Variants in CDH23 observed in about 807,000 individuals in gnomAD.
CDH23 encodes the protein cadherin related 23, also known as cadherin-23.
CDH23 carries 189 observed loss-of-function variants against 317.1 expected under a neutral mutation model. That is an observed-to-expected ratio of 0.60 (90% CI 0.53 to 0.67). The LOEUF (loss-of-function observed/expected upper bound fraction) is 0.67. CDH23 is among the 30% of genes least tolerant of loss of function. CDH23 has a pLI of 0.00. For synonymous variants in CDH23, 1,839 were observed against 1,876.8 expected (o/e 0.98, Z 0.52); for missense variants, 4,401 against 4,592.4 (o/e 0.96, Z 1.20).
rs2132965700 is a variant in CDH23, at chr10:71,798,460, G to A, written c.6936G>A (p.Gly2312=). The change falls in exon 50 of 70, where the codon GGG becomes GGA. Residue 2312 remains glycine (G), a synonymous_variant. Coordinates refer to ENST00000224721, the MANE Select transcript of CDH23 (RefSeq NM_022124.6). ...MERILEGATP[G]TTLIAVAAVD... ...GGATCCTGGAGGGGGCCACCCCTGG[G>A]ACCACACTCATTGCTGTGGCAGCCG... The A allele has an allele frequency of 1.9e-6, 3 of 1,613,954 alleles. No homozygotes were observed. Among genetic ancestry groups the A allele is most frequent in the Non-Finnish European group, 2.5e-6 (3 of 1,179,840 alleles).
chr10:71,617,488 AC>A, intron 11 of CDH23, 95 bp downstream of exon 11: 2 of 1,531,694 alleles, frequency 1.3e-6, no homozygotes, highest in Non-Finnish European at 1.8e-6. Context: ...TAAAATAGAA[AC>A]AAACATTGCG....
At chr10:71,613,036 A>G (rs1209042397) in intron 9 of CDH23, among the ~76,000 whole-genome samples, 1 of 152,062 alleles carries the variant, frequency 6.6e-6, no homozygotes, top group Non-Finnish European at 1.5e-5. Flanking sequence ...TTTAGTAGAG[A>G]TGGGGTTTTG....
In CDH23 at chr10:71,426,872, G is replaced by A. The variant is rs563960194; in HGVS notation, c.-5-12955G>A. On this transcript the variant is annotated intron_variant, in intron 1 of 69. Transcript: ENST00000224721. ...CTCACAAAGATACCTTTAGCTGGGC[G>A]CAGTGGCTCACACCTGTAATCCTAG... 3.9e-5 allele frequency among the ~76,000 whole-genome samples: 6 copies of A among 152,168 alleles called. No homozygotes were observed. The South Asian group carries it at 6.2e-4, about 16-fold the overall frequency.
intron 3 of CDH23, among the ~76,000 whole-genome samples, chr10:71,502,785 G>A (rs1354955908): frequency 6.6e-6 from 1 of 152,198 alleles, no homozygotes; most frequent in African/African-American, 2.4e-5. Flanking sequence ...GCTTTAAGGA[G>A]ATGCTGCTGC....
At chr10:71,523,355 C>G (rs1395906212) in intron 6 of CDH23, among the ~76,000 whole-genome samples, 2 of 152,140 alleles carry the variant, frequency 1.3e-5, no homozygotes, top group African/African-American at 2.4e-5. Context: ...TCTTCTAAAG[C>G]ATTGTCTTTC....
intron 2 of CDH23, among the ~76,000 whole-genome samples, chr10:71,443,797 A>G (rs1466120871): frequency 6.6e-6 from 1 of 152,222 alleles, no homozygotes; most frequent in South Asian, 2.1e-4. Flanking sequence ...CTGAGCACAC[A>G]GCTGCTGCGC....
chr10:71,795,105 A>G lies in CDH23; in HGVS notation c.6712+1465A>G, dbSNP rs577866335. On this transcript the variant is annotated intron_variant, in intron 48 of 69. Transcript: ENST00000224721. ...TTTCCATAAATGTAAAATACATACA[A>G]AATAATACATGATTTTCAGAAATAC... is the stretch of plus-strand genomic sequence containing the variant. 5.9e-5 allele frequency among the ~76,000 whole-genome samples: 9 copies of G among 152,352 alleles called. No homozygotes were observed. The East Asian group carries it at 1.7e-3, about 29-fold the overall frequency.
At chr10:71,538,212 C>G (rs1212791300) in intron 6 of CDH23, among the ~76,000 whole-genome samples, 1 of 152,216 alleles carries the variant, frequency 6.6e-6, no homozygotes, top group Non-Finnish European at 1.5e-5. Context: ...GAGTTCATTT[C>G]CGATACACTA....
chr10:71,440,847 C>T lies in CDH23; in HGVS notation c.67+949C>T, dbSNP rs568637997. ...TGGGCATGGTGTACCTGGTGACACA[C>T]GCAAACACATTCCTGTGGGGGGCCA... On this transcript the variant is annotated intron_variant, in intron 2 of 69. Transcript: ENST00000224721. Among the ~76,000 whole-genome samples the T allele has an allele frequency of 6.7e-4, 102 of 152,300 alleles. No homozygotes were observed. The Middle Eastern group carries it at 0.014, about 20-fold the overall frequency.
At chr10:71,664,889 C>T (rs576853491) in intron 14 of CDH23, among the ~76,000 whole-genome samples, 1 of 147,714 alleles carries the variant, frequency 6.8e-6, no homozygotes, top group Non-Finnish European at 1.5e-5. Context: ...TCTCCCTCTC[C>T]CCTCCCCATC....
intron 15 of CDH23, among the ~76,000 whole-genome samples, chr10:71,676,441 A>T (rs1349763166): frequency 6.6e-6 from 1 of 151,510 alleles, no homozygotes; most frequent in African/African-American, 2.4e-5. Flanking sequence ...AGCCTGGCCA[A>T]CATGGTGAAA....
chr10:71,461,135 G>A (rs1394045283), intron 3 of CDH23, among the ~76,000 whole-genome samples: 1 of 152,222 alleles, frequency 6.6e-6, no homozygotes, highest in Non-Finnish European at 1.5e-5. Flanking sequence ...ATCAGCCACT[G>A]CTCCCTCCAC....
At chr10:71,701,314 A>T (rs569635105) in intron 22 of CDH23, among the ~76,000 whole-genome samples, 2 of 152,266 alleles carry the variant, frequency 1.3e-5, no homozygotes, top group African/African-American at 4.8e-5. Context: ...GGCGAAGATG[A>T]GGAGCCCTCA....
At chr10:71,648,705 G>T (rs766200) in intron 14 of CDH23, among the ~76,000 whole-genome samples, 85,117 of 151,974 alleles carry the variant, frequency 0.56, 24,711 homozygotes, top group East Asian at 0.85. Context: ...GAGCCCCTCA[G>T]GCTAGGTTTT....
intron 38 of CDH23, 23 bp downstream of exon 38, chr10:71,741,944 G>A (rs768908857): frequency 3.2e-6 from 5 of 1,543,854 alleles, no homozygotes; most frequent in East Asian, 2.4e-5. Flanking sequence ...GGTGGCCACA[G>A]GGAGGAGCGG....
intron 24 of CDH23, 99 bp downstream of exon 24, chr10:71,702,793 G>T (rs1238477084): frequency 7.2e-7 from 1 of 1,382,034 alleles, no homozygotes; most frequent in Non-Finnish European, 1.0e-6. Flanking sequence ...TGGGGCAGGG[G>T]AGGAGCTGGG....
chr10:71,724,176 C>A, intron 29 of CDH23, 71 bp downstream of exon 29: 1 of 1,510,218 alleles, frequency 6.6e-7, no homozygotes, highest in Non-Finnish European at 9.0e-7. Context: ...TCTAGGCTGC[C>A]AAAGGTCTGG....
At chr10:71,417,351 A>T (rs1185902426) in intron 1 of CDH23, among the ~76,000 whole-genome samples, 3 of 152,130 alleles carry the variant, frequency 2.0e-5, no homozygotes, top group Non-Finnish European at 4.4e-5. Flanking sequence ...TGCTGGGATT[A>T]CAGATCTGAG....
Position 71,609,995 on chromosome 10 carries a change from T to TGTGTGAGAGAGA in CDH23, c.833-5508_833-5507insTGTGAGAGAGAG, listed in dbSNP as rs3222215. ...GTGTGTGTGTGTGTGTGTGTGTGTG[T>TGTGTGAGAGAGA]GAGAGAGACAGAGAGACGAGAGAGA... On this transcript the variant is annotated intron_variant, in intron 9 of 69. Transcript: ENST00000224721. Among the ~76,000 whole-genome samples the TGTGTGAGAGAGA allele has an allele frequency of 2.1e-4, 30 of 140,822 alleles. 1 individual carries two copies. The highest frequency in any genetic ancestry group is 6.3e-4 in the African/African-American group (24 of 38,016). 92.4% of individuals were successfully genotyped at this position (140,822 alleles called of 152,430 possible).
Sources: allele counts gnomAD v4.1 joint callset (sites outside exome capture counted in the v4.1 genomes callset), GRCh38; gene constraint gnomAD v4.1.1; transcripts MANE v1.5; gene names NCBI Gene and HGNC (gene_info 2026-07-23, HGNC 2026-07-21).